The following KLHL20 variants were observed in gnomAD, a reference collection of about 807,000 sequenced individuals.
The protein encoded by KLHL20 is kelch like family member 20.
A neutral mutation model predicts 69.5 loss-of-function variants in KLHL20; 29 were observed. The ratio of observed to expected loss-of-function variants is 0.42; its 90% CI spans 0.31 to 0.57. KLHL20 has a LOEUF of 0.57. Among genes scored for constraint, KLHL20 ranks in the 20% least tolerant of loss-of-function variants. KLHL20 has a pLI of 0.18. For missense variants in KLHL20, 419 were observed against 776.0 expected, an observed-to-expected ratio of 0.54 and a Z score of 5.47; for synonymous variants, 253 against 265.2, an observed-to-expected ratio of 0.95 and a Z score of 0.45.
chr1:173,740,910 G>T (rs1369947644), intron 3 of KLHL20, among the ~76,000 whole-genome samples: 1 of 152,160 alleles, frequency 6.6e-6, no homozygotes, highest in African/African-American at 2.4e-5. Context: ...CCCTTCCCCA[G>T]TTCCACTGGC....
At position 173,774,400 on chromosome 1, in the gene KLHL20, C is replaced by G. The variant is rs1648313189; in HGVS notation, c.1391C>G (p.Ala464Gly). ...GCTGTGTTAGGAGGGTTCTTATATGCTGTAGGTGGCTCTGACGGGACATCT... is the reference window on the plus strand; with the variant it reads ...GCTGTGTTAGGAGGGTTCTTATATGGTGTAGGTGGCTCTGACGGGACATCT... ...AVAVLGGFLY[A>G]VGGSDGTSPL... The change falls in exon 9 of 12, where the codon GCT (alanine) becomes GGT (glycine). Residue 464 changes from alanine to glycine, a missense_variant. Ala to Gly is a moderately conservative substitution (Grantham distance 60). Coordinates refer to ENST00000209884, the MANE Select transcript of KLHL20 (RefSeq NM_014458.4). 6.2e-7 allele frequency: 1 copy of G among 1,613,988 alleles called. No homozygotes were observed. The highest frequency in any genetic ancestry group is 1.7e-5 in the Admixed American group (1 of 59,980).
chr1:173,724,556 T>A (rs2102457213), intron 2 of KLHL20, among the ~76,000 whole-genome samples: 1 of 152,378 alleles, frequency 6.6e-6, no homozygotes, highest in African/African-American at 2.4e-5. Flanking sequence ...AAAATCCAAA[T>A]ATCTTATTTC....
chr1:173,748,668 C>T (rs932560149), intron 3 of KLHL20, among the ~76,000 whole-genome samples: 1 of 152,042 alleles, frequency 6.6e-6, no homozygotes, highest in Non-Finnish European at 1.5e-5. Context: ...CCACTGGGTG[C>T]AGCACACCAA....
At chr1:173,735,717 C>G (rs1174893112) in intron 3 of KLHL20, among the ~76,000 whole-genome samples, 3 of 151,962 alleles carry the variant, frequency 2.0e-5, no homozygotes, top group Non-Finnish European at 4.4e-5. Context: ...CAGTGTACAC[C>G]GTACCCAATG....
intron 3 of KLHL20, chr1:173,741,760 A>T: frequency 6.9e-7 from 1 of 1,448,026 alleles, no homozygotes; most frequent in Non-Finnish European, 9.5e-7. Context: ...CAGAGCCCCA[A>T]TTCCTACTTC....
intron 10 of KLHL20, 142 bp downstream of exon 10, chr1:173,775,984 TATG>T: frequency 1.5e-6 from 1 of 679,532 alleles, no homozygotes; most frequent in Non-Finnish European, 2.5e-6. Context: ...TGCTGGATCA[TATG>T]ATATTTCTAT....
intron 10 of KLHL20, among the ~76,000 whole-genome samples, chr1:173,781,002 A>G (rs1231409644): frequency 7.6e-6 from 1 of 131,686 alleles, no homozygotes; most frequent in South Asian, 2.8e-4. Flanking sequence ...TGAGAGAGAG[A>G]GAGGGAAAGA....
intron 2 of KLHL20, among the ~76,000 whole-genome samples, chr1:173,722,961 AT>A (rs1469494706): frequency 6.6e-6 from 1 of 152,166 alleles, no homozygotes; most frequent in African/African-American, 2.4e-5. Context: ...AAGTGCTGGG[AT>A]TACAGGTGTG....
rs1673580067 is a variant in KLHL20, at chr1:173,757,037, T to C, written c.1029T>C (p.Asn343=). The C allele has an allele frequency of 3.1e-6, 5 of 1,614,030 alleles. No homozygotes were observed. The South Asian group carries it at 5.5e-5, about 18-fold the overall frequency. ...TTGAACGATATGATCCACAGACCAA[T>C]GAATGGAGAATGGTGGCTTCAATGA... ...SSVERYDPQT[N]EWRMVASMSK... Residue 343 remains asparagine, a synonymous_variant, in exon 7 of 12, where the codon AAT becomes AAC. Transcript: ENST00000209884.
intron 7 of KLHL20, among the ~76,000 whole-genome samples, chr1:173,765,458 G>T (rs1010932874): frequency 6.6e-6 from 1 of 151,720 alleles, no homozygotes; most frequent in Non-Finnish European, 1.5e-5. Flanking sequence ...AGCCAAGATC[G>T]TGCCACTGTA....
At chr1:173,729,165 T>G (rs990758816) in intron 2 of KLHL20, among the ~76,000 whole-genome samples, 1 of 152,164 alleles carries the variant, frequency 6.6e-6, no homozygotes, top group South Asian at 2.1e-4. Flanking sequence ...CTCCCTAGAC[T>G]AAACCAGGAA....
At chr1:173,782,311 C>A in intron 11 of KLHL20, 81 bp downstream of exon 11, 1 of 1,006,950 alleles carries the variant, frequency 9.9e-7, no homozygotes, top group Non-Finnish European at 1.6e-6. Context: ...ACCATCAGAA[C>A]TGGGATGGTC....
chr1:173,734,407 T>G, intron 3 of KLHL20, 121 bp downstream of exon 3: 1 of 843,516 alleles, frequency 1.2e-6, no homozygotes, highest in East Asian at 2.7e-5. Context: ...AGCAAATAAA[T>G]AAGTTATTAT....
intron 3 of KLHL20, among the ~76,000 whole-genome samples, chr1:173,745,033 G>A (rs1291205349): frequency 6.6e-6 from 1 of 151,864 alleles, no homozygotes; most frequent in East Asian, 1.9e-4. Context: ...TAATTTATAA[G>A]TAAACTTAAG....
chr1:173,766,514 T>C (rs752394851), intron 8 of KLHL20, among the ~76,000 whole-genome samples: 5 of 147,818 alleles, frequency 3.4e-5, no homozygotes, highest in African/African-American at 1.2e-4. Context: ...GGCGTGGTGG[T>C]GCATGTAGTT....
chr1:173,728,409 T>A (rs374227719), intron 2 of KLHL20, among the ~76,000 whole-genome samples: 8 of 152,092 alleles, frequency 5.3e-5, no homozygotes, highest in African/African-American at 1.7e-4. Flanking sequence ...GACATCTACA[T>A]AACTCTCCAC....
At chr1:173,776,424 A>C (rs1207731052) in intron 10 of KLHL20, among the ~76,000 whole-genome samples, 2 of 151,958 alleles carry the variant, frequency 1.3e-5, no homozygotes, top group Non-Finnish European at 2.9e-5. Context: ...TTTTTGACTT[A>C]ATGTGATCCC....
At chr1:173,759,967 C>A (rs1673724584) in intron 7 of KLHL20, among the ~76,000 whole-genome samples, 1 of 151,968 alleles carries the variant, frequency 6.6e-6, no homozygotes. Context: ...CAAGGAAATC[C>A]AAAAATGATA....
Position 173,751,436 on chromosome 1 carries a change from C to T in KLHL20, c.598-328C>T, listed in dbSNP as rs1281810997. ...GCAACTAATCTTCTGCAAGCTTTTT[C>T]TGACTTTTTATATGCCTTATATATC... On this transcript the variant is annotated intron_variant, in intron 3 of 11. Transcript: ENST00000209884. 2.0e-5 allele frequency among the ~76,000 whole-genome samples: 3 copies of T among 152,208 alleles called. No individual in the cohort carries two copies. In the East Asian group the frequency reaches 5.8e-4, roughly 29 times the overall value.
Sources: gnomAD v4.1 joint callset for allele counts (sites outside exome capture counted in the v4.1 genomes callset) on GRCh38, gnomAD v4.1.1 for gene constraint, MANE v1.5 for transcripts, NCBI Gene and HGNC (gene_info 2026-07-23, HGNC 2026-07-21) for gene names.